STK3: variants seen among roughly 807,000 people sequenced by gnomAD.
STK3 encodes serine/threonine kinase 3.
STK3 carries 41 observed loss-of-function variants against 58.0 expected under a neutral mutation model. The observed-to-expected ratio is 0.71, with a 90% CI of 0.55 to 0.92. The LOEUF (loss-of-function observed/expected upper bound fraction) is 0.92. Among genes scored for constraint, STK3 ranks in the 40% least tolerant of loss-of-function variants. The pLI is 0.00. For missense variants in STK3, 479 were observed against 602.7 expected (o/e 0.79, Z 2.15); for synonymous variants, 170 against 191.0 (o/e 0.89, Z 0.91).
At chr8:98,606,657 C>T (rs1816797749) in intron 6 of STK3, among the ~76,000 whole-genome samples, 1 of 152,120 alleles carries the variant, frequency 6.6e-6, no homozygotes, top group South Asian at 2.1e-4. Flanking sequence ...TAATGAAACC[C>T]CAGTAAAAAC....
intron 1 of STK3, among the ~76,000 whole-genome samples, chr8:98,890,926 C>T (rs758888142): frequency 2.3e-4 from 35 of 152,298 alleles, no homozygotes; most frequent in South Asian, 4.1e-4. Flanking sequence ...ATCATTTTAT[C>T]GTCCTAGCCT....
At chr8:98,519,464 G>A (rs2131445014) in intron 10 of STK3, among the ~76,000 whole-genome samples, 1 of 150,058 alleles carries the variant, frequency 6.7e-6, no homozygotes, top group African/African-American at 2.4e-5. Context: ...AGAGGAGGGT[G>A]AAAAGACCCT....
chr8:98,421,540 G>A (rs1215517391), intron 3 of STK3, among the ~76,000 whole-genome samples: 1 of 152,194 alleles, frequency 6.6e-6, no homozygotes, highest in East Asian at 1.9e-4. Context: ...TTGGGAGGCT[G>A]AGGTAGGTGG....
At chr8:98,480,979 TA>T (rs1376182083) in intron 10 of STK3, among the ~76,000 whole-genome samples, 1 of 152,202 alleles carries the variant, frequency 6.6e-6, no homozygotes, top group East Asian at 1.9e-4. Context: ...TAAAATTTTT[TA>T]TACTGAAAAA....
chr8:98,925,078 T>C (rs760072653), intron 1 of STK3, among the ~76,000 whole-genome samples: 2 of 152,176 alleles, frequency 1.3e-5, no homozygotes, highest in East Asian at 1.9e-4. Flanking sequence ...TCCAAAACTT[T>C]CTCAAAAGTA....
chr8:98,583,883 CAG>C (rs990534721), intron 7 of STK3, among the ~76,000 whole-genome samples: 4 of 148,428 alleles, frequency 2.7e-5, no homozygotes, highest in Admixed American at 6.7e-5. Flanking sequence ...GTAAGAGAGA[CAG>C]AGAGAAGAAA....
intron 1 of STK3, among the ~76,000 whole-genome samples, chr8:98,805,007 A>C (rs1389252804): frequency 6.6e-6 from 1 of 152,212 alleles, no homozygotes; most frequent in Non-Finnish European, 1.5e-5. Context: ...CAAATTTTAT[A>C]AGAGAACTGG....
chr8:98,818,462 A>G (rs1834686875), intron 1 of STK3, among the ~76,000 whole-genome samples: 2 of 152,218 alleles, frequency 1.3e-5, no homozygotes, highest in South Asian at 4.1e-4. Context: ...AGAGCAACAC[A>G]ACAGAGAACA....
intron 8 of STK3, among the ~76,000 whole-genome samples, chr8:98,576,353 T>C (rs988975359): frequency 6.6e-6 from 1 of 152,220 alleles, no homozygotes; most frequent in Admixed American, 6.5e-5. Flanking sequence ...ACATGGTTCT[T>C]CTTTTTTGAT....
chr8:98,365,143 C>T, the STK3 span, among the ~76,000 whole-genome samples: 3 of 152,112 alleles, frequency 2.0e-5, no homozygotes, highest in East Asian at 1.9e-4. Context: ...ATTACCATAC[C>T]GATGCAGTAG....
intron 1 of STK3, among the ~76,000 whole-genome samples, chr8:98,940,453 G>A (rs895842054): frequency 6.6e-6 from 1 of 152,204 alleles, no homozygotes; most frequent in African/African-American, 2.4e-5. Flanking sequence ...CCCGTGCTCG[G>A]CCTTCCCACT....
chr8:98,900,256 T>C (rs1172140544), intron 1 of STK3, among the ~76,000 whole-genome samples: 2 of 152,100 alleles, frequency 1.3e-5, no homozygotes, highest in African/African-American at 2.4e-5. Context: ...TTTGTTTTTT[T>C]AGTAGAGACA....
At chr8:98,695,962 C>T (rs978775644) in intron 6 of STK3, among the ~76,000 whole-genome samples, 6 of 151,974 alleles carry the variant, frequency 3.9e-5, no homozygotes, top group African/African-American at 1.2e-4. Context: ...GGCAGTATGG[C>T]CATTTTCACG....
chr8:98,426,840 C>T, intron 3 of STK3, among the ~76,000 whole-genome samples: 1 of 151,978 alleles, frequency 6.6e-6, no homozygotes, highest in East Asian at 1.9e-4. Flanking sequence ...CGCGCCGAGC[C>T]GGGGGCGCAA....
intron 6 of STK3, 132 bp downstream of exon 6, chr8:98,706,333 AAG>A (rs1379844610): frequency 1.1e-6 from 1 of 917,902 alleles, no homozygotes; most frequent in Non-Finnish European, 1.5e-6. Flanking sequence ...ACTAATCTTT[AAG>A]AGGTAATTTT....
At chr8:98,853,762 G>C (rs1472924928) in intron 3 of STK3, among the ~76,000 whole-genome samples, 1 of 152,212 alleles carries the variant, frequency 6.6e-6, no homozygotes, top group Non-Finnish European at 1.5e-5. Context: ...TACTGAAACT[G>C]ACTCCAGAAG....
intron 4 of STK3, among the ~76,000 whole-genome samples, chr8:98,731,339 C>G (rs1184098864): frequency 6.6e-6 from 1 of 152,148 alleles, no homozygotes; most frequent in Non-Finnish European, 1.5e-5. Context: ...TGACCCCAGT[C>G]TGCCCCTGCT....
Position 98,589,590 on chromosome 8 carries a change from T to G in STK3, c.822+6442A>C, listed in dbSNP as rs1268891367. The stretch of plus-strand genomic sequence containing the variant: ...TGCCCCCAGAGGTGGAGCCTACAGA[T>G]GCAGGCAGGCCTTCTTGAGCTGTGG... On this transcript the variant is annotated intron_variant, in intron 7 of 10. Coordinates refer to ENST00000419617, the MANE Select transcript of STK3 (RefSeq NM_006281.4). Among the ~76,000 whole-genome samples, 5 of 152,258 alleles carry G rather than the reference T, an allele frequency of 3.3e-5. No homozygotes were observed. The East Asian group carries it at 5.8e-4, about 18-fold the overall frequency.
At chr8:98,508,843 A>AG (rs112773336) in intron 10 of STK3, among the ~76,000 whole-genome samples, 1,796 of 152,234 alleles carry the variant, frequency 0.012, 34 homozygotes, top group African/African-American at 0.04. Flanking sequence ...GATTCTAAAA[A>AG]CTTTCAAATA....
Sources: gnomAD v4.1 joint callset for allele counts (sites outside exome capture counted in the v4.1 genomes callset) on GRCh38, gnomAD v4.1.1 for gene constraint, MANE v1.5 for transcripts, NCBI Gene and HGNC (gene_info 2026-07-23, HGNC 2026-07-21) for gene names.